Variants in ABL2 observed in about 807,000 individuals in gnomAD.
ABL2 encodes the protein tyrosine-protein kinase ABL2.
In ABL2, 49 loss-of-function variants were observed where a neutral mutation model predicts 107.7. That is an observed-to-expected ratio of 0.45 (90% CI 0.36 to 0.58). The LOEUF (loss-of-function observed/expected upper bound fraction) is 0.58. Ranked by LOEUF, ABL2 falls within the 20% of genes least tolerant of loss-of-function variation. ABL2 has a pLI of 0.00. For synonymous variants in ABL2, 549 were observed against 548.6 expected, an observed-to-expected ratio of 1.00 and a Z score of -0.01; for missense variants, 1,245 against 1,457.0, an observed-to-expected ratio of 0.85 and a Z score of 2.37.
chr1:179,107,997 C>T lies in ABL2; in HGVS notation c.3270G>A (p.Leu1090=). Residue 1090 remains leucine, a synonymous_variant, in exon 12 of 12, where the codon CTG becomes CTA. Coordinates refer to ENST00000502732, the MANE Select transcript of ABL2 (RefSeq NM_007314.4). ...CACTGGACAGTAGGTCAGCACATTC[C>T]AGCAGGGCCTCTTTGCTGATTTTGT... The part of the protein sequence containing the change: ...SADKISKEAL[L]ECADLLSSAL... 1 of 1,614,246 alleles carries T rather than the reference C, an allele frequency of 6.2e-7. No homozygotes were observed. The highest frequency in any genetic ancestry group is 2.2e-5 in the East Asian group (1 of 44,890).
At chr1:179,151,971 G>C (rs1316996026) in intron 1 of ABL2, among the ~76,000 whole-genome samples, 2 of 152,032 alleles carry the variant, frequency 1.3e-5, no homozygotes, top group Admixed American at 1.3e-4. Flanking sequence ...TGTAACCATA[G>C]GTATCAACCT....
chr1:179,135,272 A>T (rs1656770426), intron 1 of ABL2, among the ~76,000 whole-genome samples: 1 of 147,850 alleles, frequency 6.8e-6, no homozygotes, highest in Admixed American at 6.7e-5. Flanking sequence ...CCGCCATCCC[A>T]TCTAGGAAGT....
chr1:179,208,362 C>A (rs1662093526), intron 1 of ABL2, among the ~76,000 whole-genome samples: 1 of 151,624 alleles, frequency 6.6e-6, no homozygotes, highest in Non-Finnish European at 1.5e-5. Flanking sequence ...TCCATTTGTA[C>A]TCAATGCTCA....
intron 1 of ABL2, among the ~76,000 whole-genome samples, chr1:179,135,764 C>T (rs1402434258): frequency 1.4e-5 from 2 of 144,154 alleles, no homozygotes; most frequent in African/African-American, 2.6e-5. Context: ...CTGCCCCGTC[C>T]GGGAGGGAGG....
In ABL2 at chr1:179,229,606, C is replaced by T. The variant is rs1663441024; in HGVS notation, c.-209G>A. ...CGACTCACAGATTCTGCTTTTCCCT[C>T]CTCCTGTCGCGGCTCCGCGCCCCCA... On this transcript the variant is annotated 5_prime_UTR_variant, in exon 1 of 12. Transcript: ENST00000502732. 9.2e-6 allele frequency: 5 copies of T among 544,014 alleles called. No homozygotes were observed. The highest frequency in any genetic ancestry group is 1.5e-5 in the Non-Finnish European group (5 of 327,664). The allele number at this position is 544,014 out of a possible 1,614,324, so 33.7% of individuals were successfully genotyped here. A position where few individuals can be genotyped will look rare whatever the true frequency, so the allele number is the denominator to read the frequency against.
chr1:179,110,577 G>A (rs558665855), intron 10 of ABL2, 122 bp from the exon 11 acceptor site: 146 of 1,501,154 alleles, frequency 9.7e-5, no homozygotes, highest in African/African-American at 1.4e-5. Flanking sequence ...ATACATACAC[G>A]GAATCATAAA....
At position 179,110,464 on chromosome 1, in the gene ABL2, A is replaced by G. The variant is rs374934246; in HGVS notation, c.1652-9T>C. 3 of 1,598,202 alleles carry G rather than the reference A, an allele frequency of 1.9e-6. No homozygotes were observed. In the African/African-American group the frequency reaches 4.1e-5, roughly 22 times the overall value. On this transcript the variant is annotated splice_polypyrimidine_tract_variant and intron_variant, in intron 10 of 11. Transcript: ENST00000502732. ...AAGCTCCTCAGCTACCTCTGTGAGG[A>G]AGACAAGGGGACCAATAAAAAGAAC...
intron 1 of ABL2, among the ~76,000 whole-genome samples, chr1:179,146,642 C>T (rs556177347): frequency 6.6e-6 from 1 of 152,046 alleles, no homozygotes; most frequent in Non-Finnish European, 1.5e-5. Flanking sequence ...ATAATCGGAT[C>T]ATGGAGGCAT....
chr1:179,104,961 T>C lies in ABL2; in HGVS notation c.*2757A>G, dbSNP rs1273169223. On this transcript the variant is annotated 3_prime_UTR_variant, in exon 12 of 12. Coordinates refer to ENST00000502732, the MANE Select transcript of ABL2 (RefSeq NM_007314.4). ...TGTGTTTAAGCTGGTCCTTTTCAAG[T>C]AGAAAAAGGAAAAACCTAAATTATG... is the stretch of plus-strand genomic sequence containing the variant. 1 of 225,764 alleles carries C rather than the reference T, an allele frequency of 4.4e-6. No individual in the cohort carries two copies. The highest frequency in any genetic ancestry group is 6.4e-5 in the East Asian group (1 of 15,684). 14.0% of individuals were successfully genotyped at this position (225,764 alleles called of 1,614,324 possible).
chr1:179,139,550 A>T (rs1283357347), intron 1 of ABL2, among the ~76,000 whole-genome samples: 2 of 152,174 alleles, frequency 1.3e-5, no homozygotes, highest in Non-Finnish European at 2.9e-5. Flanking sequence ...CACAAACAAC[A>T]TCCAATTCAC....
At chr1:179,206,299 T>C (rs1183315059) in intron 1 of ABL2, among the ~76,000 whole-genome samples, 2 of 152,156 alleles carry the variant, frequency 1.3e-5, no homozygotes, top group African/African-American at 4.8e-5. Context: ...TAAAAGCTTA[T>C]TCAACACATG....
In ABL2 at chr1:179,207,638, G is replaced by A. The variant is rs145322139; in HGVS notation, c.157+21603C>T. Among the ~76,000 whole-genome samples the A allele has an allele frequency of 3.3e-4, 50 of 152,210 alleles. No homozygotes were observed. In the East Asian group the frequency reaches 8.9e-3, roughly 27 times the overall value. The stretch of plus-strand genomic sequence containing the variant: ...TAATTCTCATAACTCTATGAGGTAG[G>A]TATTATTAGCATACCTATTTTACTG... On this transcript the variant is annotated intron_variant, in intron 1 of 11. Coordinates refer to ENST00000502732, the MANE Select transcript of ABL2 (RefSeq NM_007314.4).
Position 179,157,494 on chromosome 1 carries a change from C to CA in ABL2, c.158-24121dup, listed in dbSNP as rs776274519. Among the ~76,000 whole-genome samples the CA allele has an allele frequency of 8.5e-3, 1,101 of 129,332 alleles. 17 individuals carry two copies. Among genetic ancestry groups the CA allele is most frequent in the East Asian group, 0.081 (371 of 4,590 alleles). 84.8% of individuals were successfully genotyped at this position (129,332 alleles called of 152,430 possible). The stretch of plus-strand genomic sequence containing the variant: ...ACTGGGTAACAGAGGGAGACTGTCT[C>CA]AAAAAAAAAAAAACTTAGGAATACT... On this transcript the variant is annotated intron_variant, in intron 1 of 11. Transcript: ENST00000502732.
rs1005985303 is a variant in ABL2, at chr1:179,103,944, G to C, written c.*3774C>G. 1 of 233,200 alleles carries C rather than the reference G, an allele frequency of 4.3e-6. No homozygotes were observed. The highest frequency in any genetic ancestry group is 2.2e-5 in the African/African-American group (1 of 45,326). The allele number at this position is 233,200 out of a possible 1,614,324, so 14.4% of individuals were successfully genotyped here. A position where few individuals can be genotyped will look rare whatever the true frequency, so the allele number is the denominator to read the frequency against. On this transcript the variant is annotated 3_prime_UTR_variant, in exon 12 of 12. Coordinates refer to ENST00000502732, the MANE Select transcript of ABL2 (RefSeq NM_007314.4). ...ACTGATAGTTTTCAGATAGCACTGGGTGTTTCAAACACCTGGCGAGATTAC... is the reference window on the plus strand; with the variant it reads ...ACTGATAGTTTTCAGATAGCACTGGCTGTTTCAAACACCTGGCGAGATTAC...
rs1027204838 is a variant in ABL2 at position 179,226,109 on chromosome 1, C to T, written c.157+3132G>A. ...ACAGAAAAAAACTTTTTAAACCCAT[C>T]TGTCTAAAAAACAGTACTCACTGCA... On this transcript the variant is annotated intron_variant, in intron 1 of 11. Transcript: ENST00000502732. Among the ~76,000 whole-genome samples the T allele has an allele frequency of 2.7e-5, 4 of 146,880 alleles. No homozygotes were observed. In the South Asian group the frequency reaches 8.7e-4, roughly 32 times the overall value.
chr1:179,106,574 G>A lies in ABL2; in HGVS notation c.*1144C>T, dbSNP rs1215360169. 2.6e-5 allele frequency: 6 copies of A among 232,898 alleles called. No individual in the cohort carries two copies. The highest frequency in any genetic ancestry group is 5.6e-5 in the Admixed American group (1 of 17,772). The allele number at this position is 232,898 out of a possible 1,614,324, so 14.4% of individuals were successfully genotyped here. On this transcript the variant is annotated 3_prime_UTR_variant, in exon 12 of 12. Transcript: ENST00000502732. ...ACTTCAAATCCATAGAGAGGAGAAT[G>A]CCTCTCCCTATTCTCTACCTGGATT... is the stretch of plus-strand genomic sequence containing the variant.
chr1:179,171,368 T>A (rs1439335568), intron 1 of ABL2, among the ~76,000 whole-genome samples: 1 of 152,212 alleles, frequency 6.6e-6, no homozygotes, highest in African/African-American at 2.4e-5. Flanking sequence ...AATATCTACA[T>A]TAGAGATTTC....
chr1:179,169,877 A>T (rs1002159857), intron 1 of ABL2, among the ~76,000 whole-genome samples: 1 of 152,008 alleles, frequency 6.6e-6, no homozygotes, highest in Non-Finnish European at 1.5e-5. Flanking sequence ...AAACATTAAA[A>T]AATTGGCTGG....
chr1:179,136,167 T>A (rs924563860), intron 1 of ABL2, among the ~76,000 whole-genome samples: 2 of 151,096 alleles, frequency 1.3e-5, no homozygotes, highest in African/African-American at 4.9e-5. Context: ...TACTGGGAAG[T>A]GAGGAGCCCC....
Sources: gnomAD v4.1 joint callset for allele counts (sites outside exome capture counted in the v4.1 genomes callset) on GRCh38, gnomAD v4.1.1 for gene constraint, MANE v1.5 for transcripts, NCBI Gene and HGNC (gene_info 2026-07-23, HGNC 2026-07-21) for gene names.